The following EIF3H variants were observed in gnomAD, a reference collection of about 807,000 sequenced individuals.
The protein encoded by EIF3H is eIF-3-gamma.
EIF3H carries 26 observed loss-of-function variants against 44.2 expected under a neutral mutation model. The observed-to-expected ratio is 0.59, with a 90% CI of 0.43 to 0.82. The LOEUF is 0.82. EIF3H is among the 40% of genes least tolerant of loss of function. The probability of loss-of-function intolerance (pLI) is 0.00; values close to 1 mark genes in which losing one functional copy is unlikely to be tolerated. For synonymous variants in EIF3H, 166 were observed against 151.9 expected, an observed-to-expected ratio of 1.09 and a Z score of -0.68; for missense variants, 359 against 432.8, an observed-to-expected ratio of 0.83 and a Z score of 1.51.
intron 2 of EIF3H, among the ~76,000 whole-genome samples, chr8:116,673,009 A>C (rs984178507): frequency 2.6e-4 from 20 of 75,804 alleles, no homozygotes; most frequent in Non-Finnish European, 3.2e-4. Context: ...ATAAAATTAC[A>C]AAAAAAAAAA....
At chr8:116,723,198 A>T (rs1000371868) in intron 2 of EIF3H, among the ~76,000 whole-genome samples, 1 of 152,204 alleles carries the variant, frequency 6.6e-6, no homozygotes, top group Non-Finnish European at 1.5e-5. Context: ...AACCAAACAA[A>T]AAACTTAAAC....
intron 5 of EIF3H, 51 bp from the exon 6 acceptor site, chr8:116,648,977 T>C (rs1485705157): frequency 6.5e-7 from 1 of 1,545,012 alleles, no homozygotes; most frequent in East Asian, 2.3e-5. Context: ...ATTATAGCTT[T>C]GCTACTGCTC....
At chr8:116,718,228 T>A (rs1207049561) in intron 2 of EIF3H, among the ~76,000 whole-genome samples, 1 of 151,966 alleles carries the variant, frequency 6.6e-6, no homozygotes. Flanking sequence ...AAATTATAGA[T>A]GTTGGCCTGG....
chr8:116,744,989 G>A (rs1815207821), intron 1 of EIF3H, among the ~76,000 whole-genome samples: 1 of 152,184 alleles, frequency 6.6e-6, no homozygotes, highest in African/African-American at 2.4e-5. Context: ...TAAAATACCT[G>A]GAGTTGCTCA....
intron 1 of EIF3H, among the ~76,000 whole-genome samples, chr8:116,761,442 G>A (rs1815518361): frequency 6.6e-6 from 1 of 152,188 alleles, no homozygotes; most frequent in Admixed American, 6.5e-5. Context: ...AACCCGGGAG[G>A]CAGAGGTTGC....
intron 2 of EIF3H, among the ~76,000 whole-genome samples, chr8:116,679,985 G>A (rs1486774547): frequency 7.2e-5 from 1 of 13,976 alleles, no homozygotes; most frequent in East Asian, 1.0e-3. Flanking sequence ...GCCCCTACTG[G>A]GAAGTGAGGA....
rs1815425493 is a variant in EIF3H, at chr8:116,755,536, A to AC, written c.132+129dup. 4.9e-6 allele frequency: 6 copies of AC among 1,217,674 alleles called. No individual in the cohort carries two copies. In the South Asian group the frequency reaches 9.0e-5, roughly 18 times the overall value. The allele number at this position is 1,217,674 out of a possible 1,614,324, so 75.4% of individuals were successfully genotyped here. ...AACAAAAAGTGAAGATGAAAGAGAA[A>AC]CGTACTAGGGAAAAACTTTGGCCCA... On this transcript the variant is annotated intron_variant, in intron 1 of 7. Coordinates refer to ENST00000521861, the MANE Select transcript of EIF3H (RefSeq NM_003756.3).
intron 2 of EIF3H, among the ~76,000 whole-genome samples, chr8:116,670,927 T>G (rs1293209455): frequency 6.6e-6 from 1 of 152,158 alleles, no homozygotes; most frequent in Non-Finnish European, 1.5e-5. Context: ...GGAGGGCCAC[T>G]AGGATTAGAG....
chr8:116,667,877 C>T (rs562862164), intron 2 of EIF3H, among the ~76,000 whole-genome samples: 1 of 152,116 alleles, frequency 6.6e-6, no homozygotes, highest in Non-Finnish European at 1.5e-5. Context: ...ATTTCCTCAC[C>T]TAGAAAATAA....
In EIF3H at chr8:116,676,488, C is replaced by T. The variant is rs71530834; in HGVS notation, c.290-17508G>A. 7.1e-3 allele frequency among the ~76,000 whole-genome samples: 1,074 copies of T among 152,266 alleles called. 6 individuals carry two copies. Among genetic ancestry groups the T allele is most frequent in the Non-Finnish European group, 0.01 (711 of 68,012 alleles). On this transcript the variant is annotated intron_variant, in intron 2 of 7. Coordinates refer to ENST00000521861, the MANE Select transcript of EIF3H (RefSeq NM_003756.3). ...AGCCTCTTATAAAACCATCAGATCTCCTGAGAACTCACTAACTCTCATGAG... is the reference window on the plus strand; with the variant it reads ...AGCCTCTTATAAAACCATCAGATCTTCTGAGAACTCACTAACTCTCATGAG...
chr8:116,696,830 A>G lies in EIF3H; in HGVS notation c.289+29186T>C, dbSNP rs139304298. ...TTGTAAGGGCAAAATGATAAAGTAC[A>G]AGTTTGACTACAAAACATATGAGGC... On this transcript the variant is annotated intron_variant, in intron 2 of 7. Transcript: ENST00000521861. Among the ~76,000 whole-genome samples the G allele has an allele frequency of 7.3e-3, 1,117 of 152,348 alleles. 13 individuals carry two copies. The highest frequency in any genetic ancestry group is 0.025 in the African/African-American group (1,039 of 41,584).
At chr8:116,731,436 C>T (rs1175237862) in intron 1 of EIF3H, among the ~76,000 whole-genome samples, 1 of 152,124 alleles carries the variant, frequency 6.6e-6, no homozygotes, top group Non-Finnish European at 1.5e-5. Flanking sequence ...AGTTGTATGG[C>T]CTAGCTTTCC....
chr8:116,757,566 C>T (rs1230956348), upstream of EIF3H, among the ~76,000 whole-genome samples: 2 of 151,896 alleles, frequency 1.3e-5, no homozygotes, highest in African/African-American at 4.8e-5. Flanking sequence ...CAAAGAGATA[C>T]ACTCAAAATA....
At chr8:116,688,140 T>C (rs1285681254) in intron 2 of EIF3H, among the ~76,000 whole-genome samples, 2 of 152,078 alleles carry the variant, frequency 1.3e-5, no homozygotes, top group African/African-American at 4.8e-5. Context: ...TCCAAAAATT[T>C]TGCAACAAGC....
chr8:116,656,333 C>A (rs1055548488), intron 4 of EIF3H, among the ~76,000 whole-genome samples: 4 of 152,116 alleles, frequency 2.6e-5, no homozygotes, highest in African/African-American at 9.7e-5. Context: ...TGCTACACAA[C>A]CTACACCTAC....
At chr8:116,654,241 GA>G (rs1813450967) in intron 5 of EIF3H, among the ~76,000 whole-genome samples, 1 of 152,068 alleles carries the variant, frequency 6.6e-6, no homozygotes, top group Non-Finnish European at 1.5e-5. Flanking sequence ...TAAAAATACA[GA>G]AGACAAAAAC....
intron 2 of EIF3H, among the ~76,000 whole-genome samples, chr8:116,708,157 T>C (rs113092691): frequency 6.6e-6 from 1 of 152,112 alleles, no homozygotes; most frequent in African/African-American, 2.4e-5. Context: ...CTTAGGTGTC[T>C]TTAAGTTACA....
Position 116,695,800 on chromosome 8 carries a change from A to G in EIF3H, c.289+30216T>C, listed in dbSNP as rs138504080. Among the ~76,000 whole-genome samples, 914 of 152,278 alleles carry G rather than the reference A, an allele frequency of 6.0e-3. 6 individuals are homozygous for G. Among genetic ancestry groups the G allele is most frequent in the African/African-American group, 0.02 (841 of 41,546 alleles). Reference sequence around the variant, plus strand: ...AGGAAAAGGCTTGGGAGCAGAAATAAATTAGTTACATAAAAAGGAAATTAA... The same window carrying G: ...AGGAAAAGGCTTGGGAGCAGAAATAGATTAGTTACATAAAAAGGAAATTAA... On this transcript the variant is annotated intron_variant, in intron 2 of 7. Coordinates refer to ENST00000521861, the MANE Select transcript of EIF3H (RefSeq NM_003756.3).
At chr8:116,755,158 G>A (rs1255528367) in intron 1 of EIF3H, among the ~76,000 whole-genome samples, 1 of 152,132 alleles carries the variant, frequency 6.6e-6, no homozygotes, top group Admixed American at 6.5e-5. Context: ...TTTTCAGAAT[G>A]AACACTACAA....
Sources: allele counts gnomAD v4.1 joint callset (sites outside exome capture counted in the v4.1 genomes callset), GRCh38; gene constraint gnomAD v4.1.1; transcripts MANE v1.5; gene names NCBI Gene and HGNC (gene_info 2026-07-23, HGNC 2026-07-21).